MYOC: variants seen among roughly 807,000 people sequenced by gnomAD.
MYOC encodes the protein myocilin, also known as juvenile-onset open-angle glaucoma 1.
In MYOC, 29 loss-of-function variants were observed where a neutral mutation model predicts 28.2. That is an observed-to-expected ratio of 1.03 (90% CI 0.77 to 1.40). The LOEUF is 1.40. Among genes scored for constraint, MYOC ranks in the 40% most tolerant of loss-of-function variants. MYOC has a pLI of 0.00. For synonymous variants in MYOC, 240 were observed against 245.6 expected (o/e 0.98, Z 0.21); for missense variants, 569 against 620.6 (o/e 0.92, Z 0.88).
intron 1 of MYOC, among the ~76,000 whole-genome samples, chr1:171,640,824 C>T (rs77353454): frequency 0.025 from 3,749 of 152,220 alleles, 167 homozygotes; most frequent in African/African-American, 0.085. Flanking sequence ...AGGCCAACAT[C>T]CCAGGAGGCA....
intron 1 of MYOC, among the ~76,000 whole-genome samples, chr1:171,642,093 T>A (rs1653089123): frequency 6.6e-6 from 1 of 152,216 alleles, no homozygotes; most frequent in African/African-American, 2.4e-5. Context: ...TTCAGCTAGC[T>A]CTCAGGTGCA....
At chr1:171,644,338 A>T (rs918975824) in intron 1 of MYOC, among the ~76,000 whole-genome samples, 1 of 151,986 alleles carries the variant, frequency 6.6e-6, no homozygotes, top group African/African-American at 2.4e-5. Context: ...CCCTTTACAC[A>T]TACAAAATGA....
rs145601771 is a variant in MYOC, at chr1:171,640,209, C to T, written c.605-1487G>A. ...TCAGTAGAAATATTCTGTCTGATTC[C>T]TTTCTGAGACCAGTTTTGCATAATG... On this transcript the variant is annotated intron_variant, in intron 1 of 2. Transcript: ENST00000037502. Among the ~76,000 whole-genome samples, 6 of 151,112 alleles carry T rather than the reference C, an allele frequency of 4.0e-5. No individual in the cohort carries two copies. The East Asian group carries it at 9.8e-4, about 25-fold the overall frequency.
chr1:171,646,433 A>G (rs1653206654), intron 1 of MYOC, among the ~76,000 whole-genome samples: 1 of 151,776 alleles, frequency 6.6e-6, no homozygotes, highest in African/African-American at 2.4e-5. Context: ...CTGTGAAAAT[A>G]TTAAGGGCTG....
rs76207502 is a variant in MYOC at position 171,637,346 on chromosome 1, A to G, written c.731-637T>C. Among the ~76,000 whole-genome samples the G allele has an allele frequency of 7.7e-3, 1,175 of 152,330 alleles. 13 individuals carry two copies. The highest frequency in any genetic ancestry group is 0.027 in the African/African-American group (1,120 of 41,570). On this transcript the variant is annotated intron_variant, in intron 2 of 2. Transcript: ENST00000037502. ...CCCTGATGAGTCACATATTTCATAC[A>G]TCATTTTAATATAATAAACATGAAA...
At chr1:171,646,260 C>T (rs2102948756) in intron 1 of MYOC, among the ~76,000 whole-genome samples, 1 of 152,298 alleles carries the variant, frequency 6.6e-6, no homozygotes, top group South Asian at 2.1e-4. Flanking sequence ...AATGACTCCA[C>T]CTCTCTGAGC....
chr1:171,639,946 G>GA (rs1175117891), intron 1 of MYOC, among the ~76,000 whole-genome samples: 4,991 of 46,890 alleles, frequency 0.11, 1,174 homozygotes, highest in African/African-American at 0.16. Context: ...TCTGTCTCAA[G>GA]AAAAAAAAAA....
chr1:171,650,666 C>A (rs1259521019), intron 1 of MYOC, among the ~76,000 whole-genome samples: 4 of 152,044 alleles, frequency 2.6e-5, no homozygotes, highest in Non-Finnish European at 1.5e-5. Flanking sequence ...GTAGAAGGCT[C>A]TTTTTAGGAA....
At chr1:171,645,303 A>G (rs1653174052) in intron 1 of MYOC, among the ~76,000 whole-genome samples, 1 of 152,122 alleles carries the variant, frequency 6.6e-6, no homozygotes, top group Admixed American at 6.6e-5. Flanking sequence ...GTCCCTGCAC[A>G]CGGACCTCAG....
At chr1:171,651,361 C>G (rs1272641211) in intron 1 of MYOC, among the ~76,000 whole-genome samples, 4 of 150,048 alleles carry the variant, frequency 2.7e-5, no homozygotes, top group Non-Finnish European at 5.9e-5. Flanking sequence ...CACACACACA[C>G]AGACTCACCT....
intron 1 of MYOC, among the ~76,000 whole-genome samples, chr1:171,648,988 A>G (rs909977073): frequency 3.3e-5 from 5 of 151,268 alleles, no homozygotes; most frequent in African/African-American, 1.2e-4. Context: ...CACTTGGCTA[A>G]TTGTATTTTT....
At chr1:171,644,342 A>G (rs1190876391) in intron 1 of MYOC, among the ~76,000 whole-genome samples, 3 of 152,120 alleles carry the variant, frequency 2.0e-5, no homozygotes, top group Non-Finnish European at 4.4e-5. Flanking sequence ...TTACACATAC[A>G]AAATGATGTA....
chr1:171,636,697 A>C lies in MYOC; in HGVS notation c.743T>G (p.Leu248Arg). The C allele has an allele frequency of 6.2e-7, 1 of 1,601,948 alleles. No individual in the cohort carries two copies. Residue 248 changes from leucine to arginine, a missense_variant, in exon 3 of 3, where the codon CTA becomes CGA. Coordinates refer to ENST00000037502, the MANE Select transcript of MYOC (RefSeq NM_000261.2). ...CGTGAGAGGCTCTCCTACCCAAACT[A>C]GTTCTCCACATCCTGGTAAATTCAG... ...SGEGDTGCGELVWVGEPLTLR... is the reference protein window; with the variant it reads ...SGEGDTGCGERVWVGEPLTLR...
At chr1:171,642,737 C>G (rs1439839028) in intron 1 of MYOC, among the ~76,000 whole-genome samples, 2 of 152,140 alleles carry the variant, frequency 1.3e-5, no homozygotes, top group East Asian at 1.9e-4. Context: ...ACATGGCAGG[C>G]CTTCATTATT....
Position 171,635,716 on chromosome 1 carries a change from G to A in MYOC, c.*209C>T. ...CCCATAAATGCTGACAGAAGATAAA[G>A]GATATTTATTATATGAAATTGTCTA... On this transcript the variant is annotated 3_prime_UTR_variant, in exon 3 of 3. Coordinates refer to ENST00000037502, the MANE Select transcript of MYOC (RefSeq NM_000261.2). 1 of 605,542 alleles carries A rather than the reference G, an allele frequency of 1.7e-6. No individual in the cohort carries two copies. Among genetic ancestry groups the A allele is most frequent in the African/African-American group, 1.9e-5 (1 of 54,016 alleles). 37.5% of individuals were successfully genotyped at this position (605,542 alleles called of 1,614,324 possible).
At position 171,636,599 on chromosome 1, in the gene MYOC, T is replaced by C. The variant is rs772565902; in HGVS notation, c.841A>G (p.Thr281Ala). Residue 281 changes from threonine to alanine, a missense_variant, in exon 3 of 3, where the codon ACC (threonine) becomes GCC (alanine). Physicochemically the swap from Thr to Ala is moderately conservative, Grantham distance 58 (BLOSUM62 0). Transcript: ENST00000037502. The part of the protein sequence containing the change: ...MRDPKPTYPY[T>A]QETTWRIDTV... The stretch of plus-strand genomic sequence containing the variant: ...TCGATTCTCCACGTGGTCTCCTGGG[T>C]GTAGGGGTAGGTGGGCTTGGGGTCT... The C allele has an allele frequency of 3.1e-6, 5 of 1,613,326 alleles. No homozygotes were observed. In the South Asian group the frequency reaches 5.5e-5, roughly 18 times the overall value.
At chr1:171,649,594 G>A (rs1054213327) in intron 1 of MYOC, among the ~76,000 whole-genome samples, 2 of 152,172 alleles carry the variant, frequency 1.3e-5, no homozygotes, top group Non-Finnish European at 2.9e-5. Context: ...TCAGGAGTTC[G>A]AGACTAGCCT....
At chr1:171,639,946 GAAA>G (rs1175117891) in intron 1 of MYOC, among the ~76,000 whole-genome samples, 17 of 46,978 alleles carry the variant, frequency 3.6e-4, no homozygotes, top group Admixed American at 1.5e-3. Context: ...TCTGTCTCAA[GAAA>G]AAAAAAAAAA....
chr1:171,636,086 C>G lies in MYOC; in HGVS notation c.1354G>C (p.Ala452Pro), dbSNP rs1329411391. Residue 452 changes from alanine to proline, a missense_variant, in exon 3 of 3, where the codon GCT (alanine) becomes CCT (proline). Transcript: ENST00000037502. ...YTSADATVNF[A>P]YDTGTGISKT... is the part of the protein sequence containing the mutation. Reference sequence around the variant, plus strand: ...CTGATACCTGTGCCTGTGTCATAAGCAAAGTTGACGGTAGCATCTGCTGAG... The same window carrying G: ...CTGATACCTGTGCCTGTGTCATAAGGAAAGTTGACGGTAGCATCTGCTGAG... The G allele has an allele frequency of 6.2e-7, 1 of 1,614,182 alleles. No homozygotes were observed. Among genetic ancestry groups the G allele is most frequent in the South Asian group, 1.1e-5 (1 of 91,090 alleles).
Sources: allele counts gnomAD v4.1 joint callset (sites outside exome capture counted in the v4.1 genomes callset), GRCh38; gene constraint gnomAD v4.1.1; transcripts MANE v1.5; gene names NCBI Gene and HGNC (gene_info 2026-07-23, HGNC 2026-07-21).